The following TAPT1 variants were observed in gnomAD, a reference collection of about 807,000 sequenced individuals.
TAPT1 encodes the protein transmembrane anterior posterior transformation protein 1 homolog.
A neutral mutation model predicts 65.6 loss-of-function variants in TAPT1; 28 were observed. The observed-to-expected ratio is 0.43, with a 90% CI of 0.32 to 0.59. The LOEUF (loss-of-function observed/expected upper bound fraction) is 0.59, where lower values mean the gene tolerates loss of function less well. TAPT1 is among the 20% of genes least tolerant of loss of function. The pLI, the probability that TAPT1 is intolerant of heterozygous loss-of-function variation, is 0.09. For synonymous variants in TAPT1, 278 were observed against 245.2 expected (o/e 1.13, Z -1.25); for missense variants, 563 against 679.9 (o/e 0.83, Z 1.91).
intron 3 of TAPT1, among the ~76,000 whole-genome samples, chr4:16,199,122 A>T (rs1749888926): frequency 6.6e-6 from 1 of 152,238 alleles, no homozygotes; most frequent in Non-Finnish European, 1.5e-5. Context: ...TTTAAAATTT[A>T]AATGAAAATT....
intron 3 of TAPT1, among the ~76,000 whole-genome samples, chr4:16,197,852 A>AT (rs966448682): frequency 1.1e-4 from 16 of 150,604 alleles, no homozygotes; most frequent in African/African-American, 2.4e-4. Flanking sequence ...GCATTTTCTA[A>AT]TTTTTTTTTT....
chr4:16,166,991 CTTTTTTTT>C, intron 12 of TAPT1, 198 bp from the exon 13 acceptor site: 3 of 159,568 alleles, frequency 1.9e-5, no homozygotes, highest in Admixed American at 7.2e-5. Context: ...CCTTAGTTCT[CTTTTTTTT>C]TTTTTTTTTT....
intron 2 of TAPT1, among the ~76,000 whole-genome samples, chr4:16,203,943 A>G (rs1750189790): frequency 6.6e-6 from 1 of 152,212 alleles, no homozygotes; most frequent in South Asian, 2.1e-4. Flanking sequence ...TAGACTCATT[A>G]TGAACAGCAG....
chr4:16,226,560 G>A (rs1751582906), upstream of TAPT1: 8 of 741,314 alleles, frequency 1.1e-5, no homozygotes, highest in South Asian at 2.3e-4. Flanking sequence ...CCGAGCCGCC[G>A]CCGCCGCCGC....
chr4:16,221,335 A>G (rs1751244268), intron 1 of TAPT1, among the ~76,000 whole-genome samples: 1 of 151,940 alleles, frequency 6.6e-6, no homozygotes, highest in Non-Finnish European at 1.5e-5. Context: ...CGTGTTGCCC[A>G]TACTGGTCTC....
intron 13 of TAPT1, 138 bp from the exon 14 acceptor site, chr4:16,163,675 C>T (rs1049982857): frequency 1.5e-6 from 1 of 654,698 alleles, no homozygotes; most frequent in South Asian, 2.0e-5. Context: ...AACCAAATAG[C>T]ATGTTGTATA....
intron 2 of TAPT1, among the ~76,000 whole-genome samples, chr4:16,207,101 G>A (rs1173511333): frequency 6.6e-6 from 1 of 152,206 alleles, no homozygotes; most frequent in Admixed American, 6.5e-5. Context: ...CCACACAGCA[G>A]GGGCTGGGGG....
intron 1 of TAPT1, among the ~76,000 whole-genome samples, chr4:16,225,207 C>T (rs1751476389): frequency 6.6e-6 from 1 of 152,204 alleles, no homozygotes; most frequent in Non-Finnish European, 1.5e-5. Context: ...AACCTACGTC[C>T]AGTTCTGGGA....
intron 3 of TAPT1, among the ~76,000 whole-genome samples, chr4:16,194,856 T>C (rs1336007926): frequency 3.8e-5 from 5 of 131,232 alleles, no homozygotes; most frequent in African/African-American, 1.7e-4. Flanking sequence ...GGTCTTGATT[T>C]CTGTCTTCTT....
chr4:16,207,059 G>A (rs1393426659), intron 2 of TAPT1, among the ~76,000 whole-genome samples: 1 of 152,202 alleles, frequency 6.6e-6, no homozygotes, highest in Non-Finnish European at 1.5e-5. Context: ...TGAGACATGT[G>A]GATCCCTACT....
In TAPT1 at chr4:16,166,668, G is replaced by C. The variant is rs765524755; in HGVS notation, c.1439C>G (p.Ser480Cys). The change falls in exon 13 of 14, where the codon TCC becomes TGC. Residue 480 changes from serine to cysteine, a missense_variant. Ser to Cys is a moderately radical substitution (Grantham distance 112). Transcript: ENST00000405303. ...TTTACATTTGTTCTGTGATTTACTG[G>C]ACGGCTTGCCTGGAGTGCAGGTTGC... ...PPATCTPGKP[S>C]SKSQNKCKPS... 1 of 1,613,924 alleles carries C rather than the reference G, an allele frequency of 6.2e-7. No individual in the cohort carries two copies. Among genetic ancestry groups the C allele is most frequent in the Non-Finnish European group, 8.5e-7 (1 of 1,179,904 alleles).
chr4:16,168,517 C>G (rs1033606208), intron 12 of TAPT1, among the ~76,000 whole-genome samples: 1 of 152,294 alleles, frequency 6.6e-6, no homozygotes, highest in Admixed American at 6.5e-5. Flanking sequence ...AGGCCTGTGT[C>G]CCCATGCCCT....
chr4:16,172,821 GTTTTT>G (rs1242458382), intron 11 of TAPT1, among the ~76,000 whole-genome samples: 33 of 150,546 alleles, frequency 2.2e-4, no homozygotes, highest in East Asian at 1.9e-3. Context: ...GTTTTGTTTT[GTTTTT>G]GTTGTTTTTT....
intron 2 of TAPT1, among the ~76,000 whole-genome samples, chr4:16,205,229 T>C (rs1750270265): frequency 1.3e-5 from 2 of 152,188 alleles, no homozygotes; most frequent in African/African-American, 4.8e-5. Context: ...ATGGCTAAAA[T>C]GAAAGAAGCA....
At chr4:16,226,587 C>T (rs1751587230), upstream of TAPT1, 2 of 585,166 alleles carry the variant, frequency 3.4e-6, no homozygotes, top group African/African-American at 4.1e-5. Context: ...CCGCGGCCCG[C>T]CGACCGGCGC....
Position 16,174,691 on chromosome 4 carries a change from A to T in TAPT1, c.1146T>A (p.Leu382=). The T allele has an allele frequency of 6.3e-7, 1 of 1,594,634 alleles. No homozygotes were observed. The highest frequency in any genetic ancestry group is 8.5e-7 in the Non-Finnish European group (1 of 1,169,958). Residue 382 remains leucine, a synonymous_variant, in exon 10 of 14, where the codon CTT becomes CTA. Coordinates refer to ENST00000405303, the MANE Select transcript of TAPT1 (RefSeq NM_153365.3). ...SEYRASLAFD[L]VSSRQKNAYT... ...TCACATTTTTCTGTCGGCTGCTAAC[A>T]AGGTCAAAAGCAAGACTGGCTCTAT...
intron 3 of TAPT1, among the ~76,000 whole-genome samples, chr4:16,192,954 T>C (rs1457914020): frequency 1.3e-5 from 2 of 152,224 alleles, no homozygotes; most frequent in African/African-American, 4.8e-5. Context: ...CAAAGATCTT[T>C]GTGGAGTTTA....
At chr4:16,180,163 C>T (rs766922554) in intron 7 of TAPT1, among the ~76,000 whole-genome samples, 30 of 152,064 alleles carry the variant, frequency 2.0e-4, no homozygotes, top group African/African-American at 9.7e-5. Context: ...ATAGCATTTC[C>T]GGGGGTGTAT....
intron 2 of TAPT1, among the ~76,000 whole-genome samples, chr4:16,204,922 G>A (rs1266712977): frequency 1.3e-5 from 2 of 152,204 alleles, no homozygotes; most frequent in African/African-American, 2.4e-5. Context: ...GAACTTTAAT[G>A]CTAAGGAAAT....
Sources: gnomAD v4.1 joint callset for allele counts (sites outside exome capture counted in the v4.1 genomes callset) on GRCh38, gnomAD v4.1.1 for gene constraint, MANE v1.5 for transcripts, NCBI Gene and HGNC (gene_info 2026-07-23, HGNC 2026-07-21) for gene names.